ASH1L: variants seen among roughly 807,000 people sequenced by gnomAD.
ASH1L encodes the protein histone-lysine N-methyltransferase ASH1L.
In ASH1L, 23 loss-of-function variants were observed where a neutral mutation model predicts 269.0. That is an observed-to-expected ratio of 0.09 (90% CI 0.06 to 0.12). ASH1L has a LOEUF of 0.12. Ranked by LOEUF, ASH1L falls within the 10% of genes least tolerant of loss-of-function variation. ASH1L has a pLI of 1.00. For missense variants in ASH1L, 2,912 were observed against 3,567.8 expected (o/e 0.82, Z 4.68); for synonymous variants, 1,187 against 1,253.5 (o/e 0.95, Z 1.12).
At chr1:155,396,251 G>C (rs924517079) in intron 6 of ASH1L, 1 of 152,056 alleles carries the variant, frequency 6.6e-6, no homozygotes, top group Non-Finnish European at 1.5e-5. Context: ...TGAGAAAAAA[G>C]GGCCTTAGAA....
chr1:155,514,335 C>T (rs969268592), intron 2 of ASH1L, among the ~76,000 whole-genome samples: 8 of 152,132 alleles, frequency 5.3e-5, no homozygotes, highest in African/African-American at 1.9e-4. Context: ...GATATACATA[C>T]ATATACACAC....
rs1003981485 is a variant in ASH1L at position 155,376,489 on chromosome 1, C to T, written c.6332+1792G>A. On this transcript the variant is annotated intron_variant, in intron 10 of 27. Transcript: ENST00000392403. ...CCACTCCTTTGTCTATTAGACATTT[C>T]TATTTTGAAATTTCAGTGCCGTTTA... 3.2e-4 allele frequency among the ~76,000 whole-genome samples: 49 copies of T among 152,254 alleles called. 1 individual carries two copies. The highest frequency in any genetic ancestry group is 1.2e-3 in the African/African-American group (48 of 41,558).
At chr1:155,386,360 G>A (rs1034767334) in intron 7 of ASH1L, among the ~76,000 whole-genome samples, 7 of 147,862 alleles carry the variant, frequency 4.7e-5, no homozygotes, top group African/African-American at 1.3e-4. Flanking sequence ...GAGCCACTGC[G>A]CCTGGCCAAG....
At chr1:155,530,844 C>T (rs371689028) in intron 1 of ASH1L, among the ~76,000 whole-genome samples, 2 of 151,902 alleles carry the variant, frequency 1.3e-5, no homozygotes, top group African/African-American at 2.4e-5. Flanking sequence ...TCTAGGAGGT[C>T]GAGGCTGCAG....
Position 155,481,944 on chromosome 1 carries a change from C to T in ASH1L, c.926G>A (p.Gly309Glu), listed in dbSNP as rs1665989571. Residue 309 changes from glycine to glutamate, a missense_variant, in exon 3 of 28, where the codon GGA becomes GAA. By Grantham distance (98) the Gly-to-Glu change is moderately conservative. This residue lies in a region of ASH1L where 277 missense variants were observed against 367.7 expected (regional missense o/e 0.75). Transcript: ENST00000392403. ...LVNKDSVKKL[G>E]TGTTAVFINK... ...AATGAATACCGCTGTAGTGCCAGTT[C>T]CCAGTTTTTTCACAGAGTCCTTATT... 10 of 1,614,138 alleles carry T rather than the reference C, an allele frequency of 6.2e-6. No homozygotes were observed. Among genetic ancestry groups the T allele is most frequent in the Non-Finnish European group, 8.5e-6 (10 of 1,180,030 alleles).
At chr1:155,337,890 G>A (rs527599813) in intron 27 of ASH1L, 139 bp from the exon 28 acceptor site, 8 of 1,013,712 alleles carry the variant, frequency 7.9e-6, no homozygotes, top group East Asian at 5.0e-5. Context: ...CCAACCCTAC[G>A]TGAAAAAGGT....
chr1:155,361,048 G>A (rs1232459471), intron 12 of ASH1L, among the ~76,000 whole-genome samples: 8 of 151,818 alleles, frequency 5.3e-5, no homozygotes, highest in Non-Finnish European at 2.9e-5. Flanking sequence ...TGAGACCAGC[G>A]TGGCCAACAG....
chr1:155,413,692 C>T (rs974226519), intron 6 of ASH1L, among the ~76,000 whole-genome samples: 4 of 152,004 alleles, frequency 2.6e-5, no homozygotes, highest in Non-Finnish European at 5.9e-5. Flanking sequence ...CATCAAATGG[C>T]TGGACTCTAG....
chr1:155,497,381 C>T (rs957338480), intron 2 of ASH1L, among the ~76,000 whole-genome samples: 5 of 152,188 alleles, frequency 3.3e-5, no homozygotes, highest in African/African-American at 1.2e-4. Context: ...AGATTTTCTT[C>T]CACCTCTGCT....
intron 1 of ASH1L, among the ~76,000 whole-genome samples, chr1:155,540,027 C>T (rs1670319493): frequency 6.6e-6 from 1 of 151,944 alleles, no homozygotes; most frequent in South Asian, 2.1e-4. Context: ...TATGATTGCA[C>T]CACTGACTCC....
At chr1:155,349,189 T>C (rs993376608) in intron 19 of ASH1L, 138 bp downstream of exon 19, 4 of 828,628 alleles carry the variant, frequency 4.8e-6, no homozygotes, top group Admixed American at 2.8e-5. Flanking sequence ...CTGTAACACA[T>C]ACCCCAAGGA....
At chr1:155,377,751 G>A (rs776287347) in intron 10 of ASH1L, among the ~76,000 whole-genome samples, 8 of 152,114 alleles carry the variant, frequency 5.3e-5, no homozygotes, top group Admixed American at 1.3e-4. Flanking sequence ...TTGGCTGGGC[G>A]CGGTGGCTCA....
In ASH1L at chr1:155,481,629, G is replaced by A. The variant is rs774349654; in HGVS notation, c.1241C>T (p.Ala414Val). ...TATGGCATCTTTACTGATCAGACCT[G>A]CCAAAGGACAACTCATTAGTTTCTT... is the stretch of plus-strand genomic sequence containing the variant. The part of the protein sequence containing the change: ...IGKKLMSCPL[A>V]GLISKDAINL... Residue 414 changes from alanine (A) to valine (V), a missense_variant, in exon 3 of 28, where the codon GCA becomes GTA. Coordinates refer to ENST00000392403, the MANE Select transcript of ASH1L (RefSeq NM_018489.3). 9.3e-6 allele frequency: 15 copies of A among 1,614,010 alleles called. No homozygotes were observed. The South Asian group carries it at 1.3e-4, about 14-fold the overall frequency.
intron 10 of ASH1L, 147 bp downstream of exon 10, chr1:155,378,134 T>G (rs1233408546): frequency 1.8e-6 from 1 of 556,060 alleles, no homozygotes; most frequent in Non-Finnish European, 3.2e-6. Context: ...TTTCTGTTTC[T>G]GTATTCCGCC....
chr1:155,354,611 G>C lies in ASH1L; in HGVS notation c.7075C>G (p.His2359Asp), dbSNP rs1476218832. The C allele has an allele frequency of 6.2e-7, 1 of 1,611,436 alleles. No individual in the cohort carries two copies. The highest frequency in any genetic ancestry group is 8.5e-7 in the Non-Finnish European group (1 of 1,179,462). The change falls in exon 16 of 28, where the codon CAT (histidine) becomes GAT (aspartate). Residue 2359 changes from histidine to aspartate, a missense_variant. Around this residue, in one of 13 missense-constraint regions of ASH1L, gnomAD observed 309 missense variants for 435.1 expected, o/e 0.71. Transcript: ENST00000392403. The stretch of plus-strand genomic sequence containing the variant: ...TCCCAGTTTCGGACCAAGAATACAT[G>C]ATGCTTTAACACAAAGTTCCTGCAA... ...NRERNFVLKH[H>D]VFLVRNWEKI...
intron 1 of ASH1L, among the ~76,000 whole-genome samples, chr1:155,560,619 T>C (rs1181384439): frequency 6.6e-6 from 1 of 152,142 alleles, no homozygotes; most frequent in Non-Finnish European, 1.5e-5. Flanking sequence ...CAGAGACACC[T>C]TGATTATCCT....
intron 4 of ASH1L, among the ~76,000 whole-genome samples, chr1:155,447,373 A>C (rs992537739): frequency 1.3e-5 from 2 of 151,926 alleles, no homozygotes; most frequent in Admixed American, 1.3e-4. Flanking sequence ...AATTGATTTG[A>C]GACTGGGTTA....
At chr1:155,472,100 G>C (rs1665147663) in intron 3 of ASH1L, among the ~76,000 whole-genome samples, 2 of 152,084 alleles carry the variant, frequency 1.3e-5, no homozygotes, top group African/African-American at 4.8e-5. Context: ...AAACTAGCCT[G>C]GCCAATACAG....
intron 12 of ASH1L, among the ~76,000 whole-genome samples, chr1:155,365,770 T>C (rs1655365242): frequency 6.6e-6 from 1 of 152,102 alleles, no homozygotes; most frequent in African/African-American, 2.4e-5. Flanking sequence ...CTGTATAGGG[T>C]TCCTGACCCG....
Sources: allele counts gnomAD v4.1 joint callset (sites outside exome capture counted in the v4.1 genomes callset), GRCh38; gene constraint gnomAD v4.1.1; regional missense constraint gnomAD v4.1.1; transcripts MANE v1.5; gene names NCBI Gene and HGNC (gene_info 2026-07-23, HGNC 2026-07-21).